CMTM7: variants seen among roughly 807,000 people sequenced by gnomAD.
CMTM7 encodes the protein CKLF like MARVEL transmembrane domain containing 7.
CMTM7 carries 7 observed loss-of-function variants against 19.3 expected under a neutral mutation model. That is an observed-to-expected ratio of 0.36 (90% CI 0.21 to 0.68). The LOEUF (loss-of-function observed/expected upper bound fraction) is 0.68, where lower values mean the gene tolerates loss of function less well. CMTM7 is among the 30% of genes least tolerant of loss of function. The pLI, the probability that CMTM7 is intolerant of heterozygous loss-of-function variation, is 0.60. For synonymous variants in CMTM7, 87 were observed against 99.3 expected, an observed-to-expected ratio of 0.88 and a Z score of 0.74; for missense variants, 193 against 232.6, an observed-to-expected ratio of 0.83 and a Z score of 1.11.
Position 32,441,878 on chromosome 3 carries a change from C to A in CMTM7, c.198C>A (p.Ser66=), listed in dbSNP as rs201511433. 2.2e-5 allele frequency: 35 copies of A among 1,614,188 alleles called. No homozygotes were observed. The Admixed American group carries it at 3.2e-4, about 15-fold the overall frequency. ...LLIAFICVRS[S]LWTNYSAYSY... is the part of the protein sequence containing the mutation. ...TTGCCTTCATCTGTGTGCGGAGCTCCCTGTGGACCAACTACAGCGCCTACA... is the reference window on the plus strand; with the variant it reads ...TTGCCTTCATCTGTGTGCGGAGCTCACTGTGGACCAACTACAGCGCCTACA... The change falls in exon 2 of 5, where the codon TCC becomes TCA. Residue 66 remains serine, a synonymous_variant. Transcript: ENST00000334983.
At chr3:32,403,473 A>G (rs1157031777) in intron 1 of CMTM7, among the ~76,000 whole-genome samples, 2 of 152,134 alleles carry the variant, frequency 1.3e-5, no homozygotes, top group Non-Finnish European at 2.9e-5. Context: ...TCGGCCTCCC[A>G]AAGTGCTGGG....
rs1354945329 is a variant in CMTM7 at position 32,391,962 on chromosome 3, G to C, written c.56G>C (p.Gly19Ala). The change falls in exon 1 of 5, where the codon GGA becomes GCA. Residue 19 changes from glycine to alanine, a missense_variant. Physicochemically the swap from Gly to Ala is moderately conservative, Grantham distance 60. Coordinates refer to ENST00000334983, the MANE Select transcript of CMTM7 (RefSeq NM_138410.4). ...ACGTGCAGCAGCGGCAGCGCGCTCG[G>C]ACCCGGGGCCGGCGCGGCCCAGCCC... ...RTTCSSGSAL[G>A]PGAGAAQPSA... 8.1e-7 allele frequency: 1 copy of C among 1,231,458 alleles called. No individual in the cohort carries two copies. The highest frequency in any genetic ancestry group is 4.2e-5 in the Admixed American group (1 of 23,600). The allele number at this position is 1,231,458 out of a possible 1,614,324, so 76.3% of individuals were successfully genotyped here. A position where few individuals can be genotyped will look rare whatever the true frequency, so the allele number is the denominator to read the frequency against.
chr3:32,424,898 G>A (rs1470694801), intron 1 of CMTM7, among the ~76,000 whole-genome samples: 6 of 152,114 alleles, frequency 3.9e-5, no homozygotes, highest in African/African-American at 7.2e-5. Context: ...TGTCCACCTC[G>A]GCCTCCCAAA....
chr3:32,404,142 C>CTTTTTTTTCTTTTTTTTTTTTTTTTTTTT (rs1559401304), intron 1 of CMTM7, among the ~76,000 whole-genome samples: 2 of 109,232 alleles, frequency 1.8e-5, no homozygotes, highest in African/African-American at 4.2e-5. Flanking sequence ...TTCTTTCTTT[C>CTTTTTTTTCTTTTTTTTTTTTTTTTTTTT]TTTTTTTTTC....
At chr3:32,397,559 C>T (rs978296551) in intron 1 of CMTM7, among the ~76,000 whole-genome samples, 1 of 151,710 alleles carries the variant, frequency 6.6e-6, no homozygotes, top group Non-Finnish European at 1.5e-5. Flanking sequence ...ATGGTGAAAC[C>T]CCATCTCTAC....
chr3:32,429,403 C>T lies in CMTM7; in HGVS notation c.160-12437C>T, dbSNP rs1022135932. ...CCACCTCCTGGGTTCAAGTGATCCT[C>T]CCACCTCAGCCTCCCGAGTAGCTGG... is the stretch of plus-strand genomic sequence containing the variant. On this transcript the variant is annotated intron_variant, in intron 1 of 4. Transcript: ENST00000334983. 3.6e-4 allele frequency among the ~76,000 whole-genome samples: 54 copies of T among 151,298 alleles called. 1 individual carries two copies.
At chr3:32,453,252 G>A (rs1696863985) in intron 4 of CMTM7, among the ~76,000 whole-genome samples, 1 of 151,972 alleles carries the variant, frequency 6.6e-6, no homozygotes, top group Non-Finnish European at 1.5e-5. Flanking sequence ...ACCAATCTGA[G>A]CAACATAGTC....
intron 1 of CMTM7, among the ~76,000 whole-genome samples, chr3:32,396,287 C>T (rs1394464058): frequency 6.6e-6 from 1 of 152,002 alleles, no homozygotes; most frequent in Non-Finnish European, 1.5e-5. Flanking sequence ...GGGTGGATCA[C>T]CTGAGGTCAG....
intron 3 of CMTM7, chr3:32,451,399 G>T (rs938399578): frequency 6.6e-6 from 1 of 152,452 alleles, no homozygotes. Flanking sequence ...CTGGAGCCAG[G>T]CTCCCTGGGC....
chr3:32,452,336 G>C, intron 3 of CMTM7, 56 bp from the exon 4 acceptor site: 1 of 1,613,668 alleles, frequency 6.2e-7, no homozygotes. Context: ...AGACAGGATT[G>C]CCCGAGTAAT....
intron 1 of CMTM7, among the ~76,000 whole-genome samples, chr3:32,430,529 G>T (rs952167848): frequency 1.3e-5 from 2 of 152,182 alleles, no homozygotes; most frequent in African/African-American, 4.8e-5. Context: ...GGACACCACA[G>T]TGAATCCATG....
At chr3:32,409,072 G>C (rs1439314636) in intron 1 of CMTM7, among the ~76,000 whole-genome samples, 1 of 151,972 alleles carries the variant, frequency 6.6e-6, no homozygotes, top group African/African-American at 2.4e-5. Context: ...TAATAGAGGC[G>C]GGGTTTCTCC....
At chr3:32,424,284 G>A (rs1696392417) in intron 1 of CMTM7, among the ~76,000 whole-genome samples, 3 of 152,182 alleles carry the variant, frequency 2.0e-5, no homozygotes, top group Admixed American at 2.0e-4. Flanking sequence ...AGGGCGAGCA[G>A]CCTGAGAGTG....
At chr3:32,438,174 C>T (rs892639834) in intron 1 of CMTM7, among the ~76,000 whole-genome samples, 1 of 152,158 alleles carries the variant, frequency 6.6e-6, no homozygotes, top group Non-Finnish European at 1.5e-5. Context: ...ACTGGGAACA[C>T]GAAGACACCT....
intron 1 of CMTM7, among the ~76,000 whole-genome samples, chr3:32,432,819 A>G (rs539362361): frequency 2.3e-4 from 35 of 152,254 alleles, no homozygotes; most frequent in Non-Finnish European, 3.7e-4. Context: ...GCCATAGCAG[A>G]TACCCTTCTC....
At position 32,450,817 on chromosome 3, in the gene CMTM7, T is replaced by C. The variant is rs1696818378; in HGVS notation, c.432+1265T>C. On this transcript the variant is annotated intron_variant, in intron 3 of 4. Transcript: ENST00000334983. ...TTTAGTAATTCAGGTTGCACATAAC[T>C]GTTTAGCCCTGGAATCTCTATAGCT... 2.0e-5 allele frequency among the ~76,000 whole-genome samples: 3 copies of C among 152,310 alleles called. No homozygotes were observed. In the South Asian group the frequency reaches 6.2e-4, roughly 32 times the overall value.
At chr3:32,400,295 C>T (rs1229078297) in intron 1 of CMTM7, among the ~76,000 whole-genome samples, 3 of 152,076 alleles carry the variant, frequency 2.0e-5, no homozygotes, top group Non-Finnish European at 2.9e-5. Context: ...GCTAGGATTA[C>T]AGGCGGGAGC....
chr3:32,400,315 C>T (rs962995824), intron 1 of CMTM7, among the ~76,000 whole-genome samples: 23 of 151,228 alleles, frequency 1.5e-4, no homozygotes, highest in African/African-American at 5.1e-4. Flanking sequence ...CCACCTTGCC[C>T]GGCTGGTGGT....
At chr3:32,402,339 T>G (rs1019588541) in intron 1 of CMTM7, among the ~76,000 whole-genome samples, 1 of 152,272 alleles carries the variant, frequency 6.6e-6, no homozygotes, top group Non-Finnish European at 1.5e-5. Flanking sequence ...CTCGAACTCC[T>G]GACCTCAAGT....
Sources: allele counts gnomAD v4.1 joint callset (sites outside exome capture counted in the v4.1 genomes callset), GRCh38; gene constraint gnomAD v4.1.1; transcripts MANE v1.5; gene names NCBI Gene and HGNC (gene_info 2026-07-23, HGNC 2026-07-21).